RYR2: variants seen among roughly 807,000 people sequenced by gnomAD.
RYR2 encodes cardiac muscle ryanodine receptor-calcium release channel.
In RYR2, 227 loss-of-function variants were observed where a neutral mutation model predicts 601.1. That is an observed-to-expected ratio of 0.38 (90% CI 0.34 to 0.42). The LOEUF (loss-of-function observed/expected upper bound fraction) is 0.42. Ranked by LOEUF, RYR2 falls within the 10% of genes least tolerant of loss-of-function variation. The pLI, the probability that RYR2 is intolerant of heterozygous loss-of-function variation, is 1.00. For missense variants in RYR2, 4,646 were observed against 6,156.5 expected, an observed-to-expected ratio of 0.75 and a Z score of 8.21; for synonymous variants, 2,223 against 2,175.1, an observed-to-expected ratio of 1.02 and a Z score of -0.61.
Position 237,550,495 on chromosome 1 carries a change from A to G in RYR2, c.3067-49A>G, listed in dbSNP as rs751553209. 3.8e-6 allele frequency: 6 copies of G among 1,579,972 alleles called. No individual in the cohort carries two copies. In the Admixed American group the frequency reaches 9.2e-5, roughly 24 times the overall value. On this transcript the variant is annotated intron_variant, in intron 26 of 104. Transcript: ENST00000366574. ...ATGTATTTGGTAGCTACTTATTTCT[A>G]AAAGCCCTTGGTATTGCTTTGACGG...
chr1:237,575,627 A>G (rs1673147654), intron 29 of RYR2, among the ~76,000 whole-genome samples: 1 of 152,296 alleles, frequency 6.6e-6, no homozygotes, highest in African/African-American at 2.4e-5. Context: ...AGAAGGAATT[A>G]TGAAGATGGC....
chr1:237,050,460 A>C (rs1359041968), intron 1 of RYR2, among the ~76,000 whole-genome samples: 3 of 152,218 alleles, frequency 2.0e-5, no homozygotes, highest in Non-Finnish European at 4.4e-5. Context: ...AGGCCCACAC[A>C]TCTCATCACC....
chr1:237,120,765 G>C (rs1052916037), intron 1 of RYR2: 1 of 152,258 alleles, frequency 6.6e-6, no homozygotes, highest in African/African-American at 2.4e-5. Flanking sequence ...GATATGTAAT[G>C]GTAAAGGATG....
At chr1:237,742,451 C>T in intron 80 of RYR2, 102 bp downstream of exon 80, 2 of 883,064 alleles carry the variant, frequency 2.3e-6, no homozygotes, top group Admixed American at 2.2e-5. Flanking sequence ...CTTATTGCAG[C>T]TTATTGTGTC....
At position 237,665,551 on chromosome 1, in the gene RYR2, G is replaced by A. The variant is rs140946076; in HGVS notation, c.8437-961G>A. ...GCTGGATAATGTTTATAGATAAAACGGGATGCTCAAAAAACAGCAGTGAGG... is the reference window on the plus strand; with the variant it reads ...GCTGGATAATGTTTATAGATAAAACAGGATGCTCAAAAAACAGCAGTGAGG... On this transcript the variant is annotated intron_variant, in intron 56 of 104. Transcript: ENST00000366574. Among the ~76,000 whole-genome samples the A allele has an allele frequency of 3.4e-3, 519 of 152,240 alleles. 2 individuals are homozygous for A. Among genetic ancestry groups the A allele is most frequent in the African/African-American group, 0.012 (485 of 41,542 alleles).
At chr1:237,635,893 G>A (rs1442415995) in intron 44 of RYR2, among the ~76,000 whole-genome samples, 1 of 152,106 alleles carries the variant, frequency 6.6e-6, no homozygotes, top group Non-Finnish European at 1.5e-5. Flanking sequence ...GCACCTGCTA[G>A]TCCAACCATC....
chr1:237,578,938 G>A (rs1308533603), intron 29 of RYR2, among the ~76,000 whole-genome samples: 1 of 152,128 alleles, frequency 6.6e-6, no homozygotes, highest in African/African-American at 2.4e-5. Flanking sequence ...TGACCTCTTG[G>A]GTTGGGTTTA....
At position 237,440,667 on chromosome 1, in the gene RYR2, G is replaced by A. The variant is rs557483949; in HGVS notation, c.1006-652G>A. The stretch of plus-strand genomic sequence containing the variant: ...GTAGTCTGAGTTGGAAATTGCAGTA[G>A]TAGAAACTGAATTTTAGCTTTGATT... On this transcript the variant is annotated intron_variant, in intron 12 of 104. Coordinates refer to ENST00000366574, the MANE Select transcript of RYR2 (RefSeq NM_001035.3). Among the ~76,000 whole-genome samples, 137 of 152,264 alleles carry A rather than the reference G, an allele frequency of 9.0e-4. 1 individual carries two copies. Among genetic ancestry groups the A allele is most frequent in the Middle Eastern group, 3.4e-3 (1 of 294 alleles).
chr1:237,812,534 AT>A (rs1661360399), intron 100 of RYR2, among the ~76,000 whole-genome samples: 1 of 152,198 alleles, frequency 6.6e-6, no homozygotes, highest in South Asian at 2.1e-4. Flanking sequence ...AAATATTGCA[AT>A]TGAGAAGTTG....
intron 1 of RYR2, among the ~76,000 whole-genome samples, chr1:237,241,105 C>T (rs1438020434): frequency 1.3e-5 from 2 of 152,126 alleles, no homozygotes; most frequent in Admixed American, 1.3e-4. Flanking sequence ...GGCTGCTAAG[C>T]ACAGCCAGTA....
At chr1:237,653,320 C>A (rs757231778) in intron 51 of RYR2, among the ~76,000 whole-genome samples, 7 of 152,174 alleles carry the variant, frequency 4.6e-5, no homozygotes, top group Non-Finnish European at 1.0e-4. Context: ...CAAAAAGAAT[C>A]ACAGATGTAT....
At chr1:237,372,683 T>A (rs986808385) in intron 6 of RYR2, among the ~76,000 whole-genome samples, 4 of 152,234 alleles carry the variant, frequency 2.6e-5, no homozygotes, top group Non-Finnish European at 4.4e-5. Context: ...TGAGGGTTTC[T>A]TTTAAGACAA....
chr1:237,748,051 T>G (rs1481463161), intron 80 of RYR2, among the ~76,000 whole-genome samples: 1 of 152,166 alleles, frequency 6.6e-6, no homozygotes, highest in Non-Finnish European at 1.5e-5. Context: ...TTATCTCGTG[T>G]CTTAGCTCAG....
chr1:237,503,170 G>C, intron 21 of RYR2, 119 bp from the exon 22 acceptor site: 2 of 832,684 alleles, frequency 2.4e-6, no homozygotes, highest in South Asian at 3.4e-5. Context: ...GTACGTAGGG[G>C]AAAATGTGGC....
intron 1 of RYR2, among the ~76,000 whole-genome samples, chr1:237,089,860 G>A (rs1666764530): frequency 6.6e-6 from 1 of 152,288 alleles, no homozygotes; most frequent in African/African-American, 2.4e-5. Flanking sequence ...TTATAAGGCT[G>A]GTGTGGTCGG....
rs1400077755 is a variant in RYR2, at chr1:237,395,564, T to TTTTTTTTTTTTTTG, written c.773+7381_773+7382insTTTTTTTTTTTTTG. On this transcript the variant is annotated intron_variant, in intron 10 of 104. Coordinates refer to ENST00000366574, the MANE Select transcript of RYR2 (RefSeq NM_001035.3). ...TTTTTTTTTTTTTTTTTTTTTTTTT[T>TTTTTTTTTTTTTTG]GAGACAGAGTCTCGCTTTGTTCCCC... Among the ~76,000 whole-genome samples, 12 of 77,632 alleles carry TTTTTTTTTTTTTTG rather than the reference T, an allele frequency of 1.5e-4. 2 individuals are homozygous for TTTTTTTTTTTTTTG. The highest frequency in any genetic ancestry group is 6.5e-4 in the African/African-American group (11 of 17,040). 50.9% of individuals were successfully genotyped at this position (77,632 alleles called of 152,430 possible).
intron 1 of RYR2, among the ~76,000 whole-genome samples, chr1:237,243,279 C>T (rs1211367275): frequency 1.3e-5 from 2 of 152,290 alleles, no homozygotes; most frequent in African/African-American, 2.4e-5. Context: ...CCCCCAGTAA[C>T]CCTGGACACC....
chr1:237,492,623 T>C (rs1663485782), intron 18 of RYR2, among the ~76,000 whole-genome samples: 1 of 152,064 alleles, frequency 6.6e-6, no homozygotes, highest in Admixed American at 6.6e-5. Context: ...GGAGGGTTGC[T>C]TGAGGCCAGG....
At chr1:237,256,731 CA>C (rs34025883) in intron 1 of RYR2, among the ~76,000 whole-genome samples, 1 of 152,010 alleles carries the variant, frequency 6.6e-6, no homozygotes, top group African/African-American at 2.4e-5. Flanking sequence ...TAAAATAGCC[CA>C]AAAAAGTAGG....
Sources: allele counts gnomAD v4.1 joint callset (sites outside exome capture counted in the v4.1 genomes callset), GRCh38; gene constraint gnomAD v4.1.1; transcripts MANE v1.5; gene names NCBI Gene and HGNC (gene_info 2026-07-23, HGNC 2026-07-21).